Variants in CUL2 observed in about 807,000 individuals in gnomAD.
CUL2 encodes cullin-2.
A neutral mutation model predicts 110.2 loss-of-function variants in CUL2; 22 were observed. The observed-to-expected ratio is 0.20, with a 90% CI of 0.14 to 0.28. The LOEUF is 0.28. CUL2 is among the 10% of genes least tolerant of loss of function. The probability of loss-of-function intolerance (pLI) is 1.00; values close to 1 mark genes in which losing one functional copy is unlikely to be tolerated. For missense variants in CUL2, 631 were observed against 905.5 expected (o/e 0.70, Z 3.89); for synonymous variants, 279 against 293.2 (o/e 0.95, Z 0.49).
chr10:35,033,082 C>G lies in CUL2; in HGVS notation c.1110+84G>C, dbSNP rs575222047. 8 of 660,708 alleles carry G rather than the reference C, an allele frequency of 1.2e-5. No homozygotes were observed. The East Asian group carries it at 2.2e-4, about 18-fold the overall frequency. 40.9% of individuals were successfully genotyped at this position (660,708 alleles called of 1,614,324 possible). A position where few individuals can be genotyped will look rare whatever the true frequency, so the allele number is the denominator to read the frequency against. ...ATCTCCATGTCTACATCAGAAACCTCATACTAGAATTCTGATCTTGAAACT... is the reference window on the plus strand; with the variant it reads ...ATCTCCATGTCTACATCAGAAACCTGATACTAGAATTCTGATCTTGAAACT... On this transcript the variant is annotated intron_variant, in intron 11 of 20. Coordinates refer to ENST00000374749, the MANE Select transcript of CUL2 (RefSeq NM_003591.4).
chr10:35,109,187 G>A (rs1023520692), intron 1 of CUL2, among the ~76,000 whole-genome samples: 9 of 152,158 alleles, frequency 5.9e-5, no homozygotes, highest in Non-Finnish European at 7.3e-5. Flanking sequence ...GAAATGGTTA[G>A]GTTTTTAAGA....
chr10:35,052,807 C>A (rs1329584808), intron 5 of CUL2, among the ~76,000 whole-genome samples: 1 of 150,626 alleles, frequency 6.6e-6, no homozygotes, highest in Non-Finnish European at 1.5e-5. Context: ...AGGCAGGAGA[C>A]TAGTGTGAAC....
intron 1 of CUL2, among the ~76,000 whole-genome samples, chr10:35,107,910 A>G (rs1224423881): frequency 1.6e-5 from 2 of 124,324 alleles, no homozygotes; most frequent in Non-Finnish European, 3.4e-5. Context: ...AAAAAAAAAA[A>G]GTAGAAGACC....
intron 1 of CUL2, among the ~76,000 whole-genome samples, chr10:35,103,728 G>A (rs1422862716): frequency 1.3e-5 from 2 of 152,132 alleles, no homozygotes; most frequent in African/African-American, 4.8e-5. Context: ...CTAAAGTGCT[G>A]GGATTATAGG....
rs142637339 is a variant in CUL2 at position 35,119,241 on chromosome 10, A to G, written c.-51+7364T>C. Among the ~76,000 whole-genome samples the G allele has an allele frequency of 3.0e-4, 46 of 152,326 alleles. No individual in the cohort carries two copies. The East Asian group carries it at 8.9e-3, about 29-fold the overall frequency. On this transcript the variant is annotated intron_variant, in intron 1 of 5. Transcript: ENST00000685421. Reference sequence around the variant, plus strand: ...CACATTCTCAATCTTGGAGGAGGTAAGGCTCAGTTTCAGCTTCAAAGTACC... The same window carrying G: ...CACATTCTCAATCTTGGAGGAGGTAGGGCTCAGTTTCAGCTTCAAAGTACC...
intron 2 of CUL2, among the ~76,000 whole-genome samples, chr10:35,067,714 A>T (rs924126472): frequency 6.6e-5 from 10 of 151,702 alleles, no homozygotes; most frequent in Admixed American, 2.6e-4. Context: ...ACTGCACTCC[A>T]ACCTGGGCAA....
intron 17 of CUL2, among the ~76,000 whole-genome samples, chr10:35,018,645 C>T (rs2085105978): frequency 6.6e-6 from 1 of 151,256 alleles, no homozygotes; most frequent in African/African-American, 2.4e-5. Context: ...TGCCTGTAAT[C>T]TCATCTACTC....
At chr10:35,125,919 T>C (rs911759634) in intron 1 of CUL2, among the ~76,000 whole-genome samples, 1 of 152,130 alleles carries the variant, frequency 6.6e-6, no homozygotes, top group Non-Finnish European at 1.5e-5. Context: ...AGCCTTGACC[T>C]CCCAGGTTCA....
chr10:35,034,897 A>T (rs572260262), intron 10 of CUL2, among the ~76,000 whole-genome samples: 2 of 152,350 alleles, frequency 1.3e-5, no homozygotes, highest in East Asian at 3.9e-4. Context: ...ACAGTTATTT[A>T]AAAATGGCGA....
chr10:35,099,206 C>T (rs1184120936), intron 2 of CUL2, among the ~76,000 whole-genome samples: 2 of 151,858 alleles, frequency 1.3e-5, no homozygotes, highest in Admixed American at 6.6e-5. Flanking sequence ...TCCTGGCCAA[C>T]ATGGTTAAAA....
chr10:35,121,356 T>A (rs1760198015), intron 1 of CUL2, among the ~76,000 whole-genome samples: 1 of 152,184 alleles, frequency 6.6e-6, no homozygotes, highest in African/African-American at 2.4e-5. Context: ...GCCTCCCAAG[T>A]AGCAGCAACT....
At chr10:35,088,539 G>A (rs191055722) in intron 1 of CUL2, among the ~76,000 whole-genome samples, 103 of 143,682 alleles carry the variant, frequency 7.2e-4, no homozygotes, top group African/African-American at 2.5e-3. Flanking sequence ...AATGTGTCTT[G>A]TTTACCCTTG....
chr10:35,074,504 C>CA (rs1554865412), intron 1 of CUL2, among the ~76,000 whole-genome samples: 2 of 151,532 alleles, frequency 1.3e-5, no homozygotes, highest in Admixed American at 6.6e-5. Flanking sequence ...GGTCCACTAG[C>CA]TTTTTTTTTG....
At position 35,034,509 on chromosome 10, in the gene CUL2, T is replaced by C. The variant is rs369267033; in HGVS notation, c.1002+663A>G. ...ACGTCTATACACAGATACTATCTTA[T>C]AGATGAAGGGCAAACAGCTCTACTT... On this transcript the variant is annotated intron_variant, in intron 10 of 20. Transcript: ENST00000374749. Among the ~76,000 whole-genome samples, 28 of 152,318 alleles carry C rather than the reference T, an allele frequency of 1.8e-4. No individual in the cohort carries two copies. In the East Asian group the frequency reaches 4.8e-3, roughly 26 times the overall value.
intron 1 of CUL2, among the ~76,000 whole-genome samples, chr10:35,076,289 T>A (rs1391889508): frequency 1.3e-5 from 2 of 152,226 alleles, no homozygotes; most frequent in East Asian, 3.9e-4. Flanking sequence ...GGGAAATGAC[T>A]GCCAACAGGG....
chr10:35,049,806 G>T, intron 5 of CUL2, 41 bp from the exon 6 acceptor site: 1 of 1,352,420 alleles, frequency 7.4e-7, no homozygotes, highest in Non-Finnish European at 1.0e-6. Context: ...GAATTACTTA[G>T]TATATGTTTA....
chr10:35,077,312 CAA>C (rs1193100563), intron 1 of CUL2, among the ~76,000 whole-genome samples: 2 of 126,492 alleles, frequency 1.6e-5, no homozygotes, highest in Non-Finnish European at 3.5e-5. Context: ...AAACAAAAAA[CAA>C]AAACAAACAA....
chr10:35,099,783 T>A (rs927925289), intron 2 of CUL2, among the ~76,000 whole-genome samples: 1 of 152,064 alleles, frequency 6.6e-6, no homozygotes, highest in Non-Finnish European at 1.5e-5. Context: ...TACTTAGATA[T>A]GGATGGCAAG....
chr10:35,053,715 G>T (rs906365657), intron 5 of CUL2, among the ~76,000 whole-genome samples: 2 of 152,094 alleles, frequency 1.3e-5, no homozygotes, highest in African/African-American at 4.8e-5. Flanking sequence ...TTTCGGAAAG[G>T]ATTACACTAC....
Sources: gnomAD v4.1 joint callset for allele counts (sites outside exome capture counted in the v4.1 genomes callset) on GRCh38, gnomAD v4.1.1 for gene constraint, MANE v1.5 for transcripts, NCBI Gene and HGNC (gene_info 2026-07-23, HGNC 2026-07-21) for gene names.